SEPTIN14: variants seen among roughly 807,000 people sequenced by gnomAD.
SEPTIN14 encodes the protein septin-14.
Under a neutral mutation model 53.6 loss-of-function variants are expected in SEPTIN14, and 40 were observed. The ratio of observed to expected loss-of-function variants is 0.75; its 90% CI spans 0.58 to 0.97. The LOEUF is 0.97. SEPTIN14 is among the 50% of genes least tolerant of loss of function. The pLI is 0.00. For synonymous variants in SEPTIN14, 138 were observed against 166.8 expected (o/e 0.83, Z 1.33); for missense variants, 471 against 508.2 (o/e 0.93, Z 0.70).
chr7:55,828,609 AAAGCTTTAACAATAGGCTAGACT>A (rs1159894817), intron 6 of SEPTIN14, among the ~76,000 whole-genome samples: 1 of 152,058 alleles, frequency 6.6e-6, no homozygotes, highest in Non-Finnish European at 1.5e-5. Flanking sequence ...CGGCCAGATG[AAAGCTTTAACAATAGGCTAGACT>A]AAGCAGAAGA....
At chr7:55,813,186 G>C (rs1438521959) in intron 7 of SEPTIN14, among the ~76,000 whole-genome samples, 2 of 152,036 alleles carry the variant, frequency 1.3e-5, no homozygotes, top group Non-Finnish European at 2.9e-5. Flanking sequence ...CTGACCTCAG[G>C]TGATCCACCC....
At chr7:55,808,959 CACG>C in intron 7 of SEPTIN14, among the ~76,000 whole-genome samples, 1 of 152,278 alleles carries the variant, frequency 6.6e-6, no homozygotes, top group African/African-American at 2.4e-5. Flanking sequence ...AAGACACAGG[CACG>C]TGTATGTTCA....
chr7:55,849,217 C>T (rs1429742767), intron 2 of SEPTIN14, among the ~76,000 whole-genome samples: 8 of 151,372 alleles, frequency 5.3e-5, no homozygotes, highest in South Asian at 2.1e-4. Flanking sequence ...CCCAGCTACT[C>T]GGGAGGCTGA....
intron 5 of SEPTIN14, among the ~76,000 whole-genome samples, chr7:55,838,258 T>C (rs1372957158): frequency 6.6e-6 from 1 of 152,196 alleles, no homozygotes; most frequent in Non-Finnish European, 1.5e-5. Context: ...TGTTTCTATA[T>C]AACAAGCAGT....
At chr7:55,856,960 C>T (rs1404225070) in intron 2 of SEPTIN14, among the ~76,000 whole-genome samples, 1 of 151,792 alleles carries the variant, frequency 6.6e-6, no homozygotes, top group Admixed American at 6.6e-5. Flanking sequence ...ATCTCAGCTA[C>T]TCAGGAGGCT....
At chr7:55,857,477 AGGGAG>A (rs1269452352) in intron 2 of SEPTIN14, among the ~76,000 whole-genome samples, 4 of 62,492 alleles carry the variant, frequency 6.4e-5, no homozygotes, top group Non-Finnish European at 1.1e-4. Context: ...GGGGAGAGGA[AGGGAG>A]GGGAGGGGAG....
intron 9 of SEPTIN14, among the ~76,000 whole-genome samples, chr7:55,797,497 A>G (rs906545804): frequency 8.5e-5 from 13 of 152,242 alleles, no homozygotes; most frequent in Non-Finnish European, 1.2e-4. Flanking sequence ...GAGAGAATCA[A>G]ATAATACATT....
intron 5 of SEPTIN14, among the ~76,000 whole-genome samples, chr7:55,841,024 T>C (rs1289846268): frequency 6.6e-6 from 1 of 152,142 alleles, no homozygotes. Flanking sequence ...CTCAGTCTCA[T>C]GAGCAGCTGG....
intron 9 of SEPTIN14, among the ~76,000 whole-genome samples, chr7:55,800,613 G>C: frequency 6.9e-6 from 1 of 144,396 alleles, no homozygotes; most frequent in African/African-American, 2.6e-5. Flanking sequence ...GACAGAGCGA[G>C]ACTTTGTCTC....
At chr7:55,834,808 A>G (rs1385013792) in intron 5 of SEPTIN14, among the ~76,000 whole-genome samples, 1 of 151,902 alleles carries the variant, frequency 6.6e-6, no homozygotes, top group African/African-American at 2.4e-5. Flanking sequence ...ACGCCCGGCT[A>G]ATTTCTTTTT....
intron 6 of SEPTIN14, among the ~76,000 whole-genome samples, chr7:55,828,954 A>C (rs775364201): frequency 3.9e-5 from 6 of 152,016 alleles, no homozygotes; most frequent in Non-Finnish European, 8.8e-5. Flanking sequence ...AAATGCCTAC[A>C]ACTCATAAGT....
At chr7:55,816,789 A>C (rs1788801050) in intron 7 of SEPTIN14, among the ~76,000 whole-genome samples, 2 of 151,878 alleles carry the variant, frequency 1.3e-5, no homozygotes, top group African/African-American at 4.8e-5. Flanking sequence ...CAAGAGCTAA[A>C]CTCCATCTCA....
At chr7:55,803,247 C>A (rs1030638750) in intron 9 of SEPTIN14, among the ~76,000 whole-genome samples, 2 of 152,008 alleles carry the variant, frequency 1.3e-5, no homozygotes, top group Admixed American at 1.3e-4. Context: ...TGAACCTGAA[C>A]ATTTTTTAAA....
rs549984553 is a variant in SEPTIN14, at chr7:55,857,873, C to T, written c.54+4070G>A. On this transcript the variant is annotated intron_variant, in intron 2 of 9. Coordinates refer to ENST00000388975, the MANE Select transcript of SEPTIN14 (RefSeq NM_207366.3). ...AAGTGCTGGGATTACAGGCGCGAGC[C>T]ACCGCGCCCGGCCACCTGTGTCTTT... is the stretch of plus-strand genomic sequence containing the variant. Among the ~76,000 whole-genome samples the T allele has an allele frequency of 4.9e-3, 744 of 151,160 alleles. 3 individuals carry two copies. Among genetic ancestry groups the T allele is most frequent in the Non-Finnish European group, 7.2e-3 (493 of 68,010 alleles).
At chr7:55,805,478 A>G (rs1788597682) in intron 8 of SEPTIN14, 88 bp from the exon 9 acceptor site, 1 of 875,400 alleles carries the variant, frequency 1.1e-6, no homozygotes, top group Admixed American at 3.0e-5. Flanking sequence ...GAGAATCAAA[A>G]TCGTGCCACT....
At chr7:55,798,596 T>G in intron 9 of SEPTIN14, 1 of 384,338 alleles carries the variant, frequency 2.6e-6, no homozygotes, top group Non-Finnish European at 5.1e-6. Flanking sequence ...CCCCAACAAA[T>G]GGGACAAGGA....
At chr7:55,807,005 AT>A in intron 8 of SEPTIN14, 84 bp downstream of exon 8, 1 of 879,006 alleles carries the variant, frequency 1.1e-6, no homozygotes, top group Non-Finnish European at 1.7e-6. Flanking sequence ...AAGTATAATT[AT>A]TCTCATATCC....
chr7:55,817,474 A>ATT (rs928851803), intron 7 of SEPTIN14, among the ~76,000 whole-genome samples: 4 of 135,926 alleles, frequency 2.9e-5, no homozygotes, highest in African/African-American at 1.2e-4. Flanking sequence ...ATATATATAT[A>ATT]TATTTTTTTT....
chr7:55,826,408 A>C (rs1313121412), intron 6 of SEPTIN14, among the ~76,000 whole-genome samples: 2 of 152,236 alleles, frequency 1.3e-5, no homozygotes, highest in Non-Finnish European at 2.9e-5. Flanking sequence ...TTCTCAAAAG[A>C]ATCTTGCAGA....
Sources: gnomAD v4.1 joint callset for allele counts (sites outside exome capture counted in the v4.1 genomes callset) on GRCh38, gnomAD v4.1.1 for gene constraint, MANE v1.5 for transcripts, NCBI Gene and HGNC (gene_info 2026-07-23, HGNC 2026-07-21) for gene names.